LRMDA: variants seen among roughly 807,000 people sequenced by gnomAD.
LRMDA encodes leucine-rich melanocyte differentiation-associated protein.
A neutral mutation model predicts 29.8 loss-of-function variants in LRMDA; 18 were observed. The observed-to-expected ratio is 0.60, with a 90% CI of 0.42 to 0.90. LRMDA has a LOEUF of 0.90. LRMDA is among the 40% of genes least tolerant of loss of function. LRMDA has a pLI of 0.00. For missense variants in LRMDA, 273 were observed against 273.9 expected (o/e 1.00, Z 0.02); for synonymous variants, 125 against 109.4 (o/e 1.14, Z -0.89).
chr10:76,056,620 G>A (rs914380773), intron 4 of LRMDA, among the ~76,000 whole-genome samples: 21 of 152,216 alleles, frequency 1.4e-4, no homozygotes, highest in Non-Finnish European at 4.4e-5. Flanking sequence ...GGGGGCTGGT[G>A]TTTCAGTACT....
chr10:75,894,857 AG>A lies in LRMDA; in HGVS notation c.132-141150del, dbSNP rs561282125. Reference sequence around the variant, plus strand: ...CTTTTAGATCATCAGTAAACAACTGAGTGTGCTAAGTACTAGTCTAAGTGTT... The same window carrying A: ...CTTTTAGATCATCAGTAAACAACTGATGTGCTAAGTACTAGTCTAAGTGTT... On this transcript the variant is annotated intron_variant, in intron 2 of 6. Coordinates refer to ENST00000611255, the MANE Select transcript of LRMDA (RefSeq NM_001305581.2). Among the ~76,000 whole-genome samples the A allele has an allele frequency of 5.2e-4, 79 of 152,346 alleles. 1 individual carries two copies. In the South Asian group the frequency reaches 0.016, roughly 31 times the overall value.
chr10:75,703,646 C>G (rs1258357982), intron 2 of LRMDA, among the ~76,000 whole-genome samples: 1 of 152,180 alleles, frequency 6.6e-6, no homozygotes. Context: ...GCCCTCCTGT[C>G]ACATCCTTCA....
chr10:75,782,928 A>C (rs1478358208), intron 2 of LRMDA: 3 of 1,612,618 alleles, frequency 1.9e-6, no homozygotes, highest in East Asian at 2.2e-5. Flanking sequence ...GCATCTGCTC[A>C]GTGTAGCCAT....
chr10:76,267,904 T>C (rs1554860757), intron 5 of LRMDA, among the ~76,000 whole-genome samples: 1 of 152,228 alleles, frequency 6.6e-6, no homozygotes, highest in Non-Finnish European at 1.5e-5. Flanking sequence ...TAAATATTTA[T>C]CTTATTTTGT....
chr10:75,976,328 T>C (rs934232959), intron 2 of LRMDA, among the ~76,000 whole-genome samples: 3 of 152,278 alleles, frequency 2.0e-5, no homozygotes, highest in Non-Finnish European at 4.4e-5. Flanking sequence ...TCCCTTCTTA[T>C]CTTTTAGGTC....
intron 5 of LRMDA, among the ~76,000 whole-genome samples, chr10:76,304,047 C>T (rs1392918216): frequency 1.3e-5 from 2 of 152,158 alleles, no homozygotes; most frequent in African/African-American, 4.8e-5. Context: ...CCCCTTTGGT[C>T]CCTGGAGGAG....
chr10:76,268,681 T>A (rs536577868), intron 5 of LRMDA, among the ~76,000 whole-genome samples: 1 of 152,196 alleles, frequency 6.6e-6, no homozygotes, highest in Non-Finnish European at 1.5e-5. Flanking sequence ...ACCTTGAGAA[T>A]GAGCTCCTGA....
intron 5 of LRMDA, among the ~76,000 whole-genome samples, chr10:76,218,447 T>C (rs1049688511): frequency 3.9e-5 from 6 of 152,212 alleles, no homozygotes; most frequent in East Asian, 1.9e-4. Flanking sequence ...CAGGGAGTGA[T>C]TGGATTTGAA....
chr10:76,281,281 C>G (rs909125936), intron 5 of LRMDA, among the ~76,000 whole-genome samples: 1 of 152,120 alleles, frequency 6.6e-6, no homozygotes, highest in Non-Finnish European at 1.5e-5. Flanking sequence ...AGCAAAGTTA[C>G]AGAAGTACAA....
At chr10:75,519,303 A>G (rs184342603) in intron 2 of LRMDA, among the ~76,000 whole-genome samples, 1 of 152,312 alleles carries the variant, frequency 6.6e-6, no homozygotes, top group Non-Finnish European at 1.5e-5. Flanking sequence ...GTGGGGTGTT[A>G]AAGTCTCCAA....
intron 6 of LRMDA, among the ~76,000 whole-genome samples, chr10:76,528,291 A>G (rs1027295819): frequency 1.3e-5 from 2 of 152,156 alleles, no homozygotes; most frequent in Non-Finnish European, 2.9e-5. Context: ...AAGCTAAATA[A>G]ATTATGGCAC....
At chr10:76,175,285 C>T (rs922931593) in intron 5 of LRMDA, among the ~76,000 whole-genome samples, 6 of 152,100 alleles carry the variant, frequency 3.9e-5, no homozygotes, top group African/African-American at 1.4e-4. Context: ...AGCTTGGATT[C>T]GAACACCAGC....
chr10:75,615,334 T>C (rs560018033), intron 2 of LRMDA, among the ~76,000 whole-genome samples: 1 of 152,310 alleles, frequency 6.6e-6, no homozygotes, highest in Admixed American at 6.5e-5. Flanking sequence ...GTGTTTTTGA[T>C]TTTTAATTTA....
At chr10:75,770,678 G>A (rs1843227810) in intron 2 of LRMDA, among the ~76,000 whole-genome samples, 2 of 152,162 alleles carry the variant, frequency 1.3e-5, no homozygotes, top group African/African-American at 2.4e-5. Flanking sequence ...CCGAGGGTGG[G>A]GTGGGGCAAG....
At chr10:75,927,688 A>G (rs1468957957) in intron 2 of LRMDA, among the ~76,000 whole-genome samples, 2 of 152,218 alleles carry the variant, frequency 1.3e-5, no homozygotes, top group African/African-American at 4.8e-5. Flanking sequence ...AGGTAACTGA[A>G]GTTTAGAAAG....
At chr10:75,588,813 G>T (rs895564418) in intron 2 of LRMDA, among the ~76,000 whole-genome samples, 1 of 151,892 alleles carries the variant, frequency 6.6e-6, no homozygotes, top group Non-Finnish European at 1.5e-5. Context: ...ATATGTATAA[G>T]CAAGCATATT....
intron 2 of LRMDA, among the ~76,000 whole-genome samples, chr10:75,483,712 C>T (rs1473644666): frequency 6.6e-6 from 1 of 151,996 alleles, no homozygotes; most frequent in African/African-American, 2.4e-5. Flanking sequence ...TATAATAAGC[C>T]ACCTTACTAC....
intron 5 of LRMDA, among the ~76,000 whole-genome samples, chr10:76,252,865 T>C (rs1202277719): frequency 3.3e-5 from 5 of 152,226 alleles, no homozygotes; most frequent in African/African-American, 1.2e-4. Context: ...CAATTCTTCC[T>C]CTACAGTTGT....
At chr10:75,950,916 G>A (rs1436953681) in intron 2 of LRMDA, among the ~76,000 whole-genome samples, 6 of 152,162 alleles carry the variant, frequency 3.9e-5, no homozygotes, top group Non-Finnish European at 5.9e-5. Context: ...AACCTACTGC[G>A]CACACATCAG....
Sources: gnomAD v4.1 joint callset for allele counts (sites outside exome capture counted in the v4.1 genomes callset) on GRCh38, gnomAD v4.1.1 for gene constraint, MANE v1.5 for transcripts, NCBI Gene and HGNC (gene_info 2026-07-23, HGNC 2026-07-21) for gene names.